WDR20: variants seen among roughly 807,000 people sequenced by gnomAD.
WDR20 encodes WD repeat domain 20.
Under a neutral mutation model 38.7 loss-of-function variants are expected in WDR20, and 3 were observed. The observed-to-expected ratio is 0.08, with a 90% confidence interval of 0.04 to 0.20. The LOEUF (loss-of-function observed/expected upper bound fraction) is 0.20. WDR20 is among the 10% of genes least tolerant of loss of function. WDR20 has a pLI of 1.00. For synonymous variants in WDR20, 298 were observed against 285.6 expected (o/e 1.04, Z -0.44); for missense variants, 559 against 727.7 (o/e 0.77, Z 2.67).
intron 2 of WDR20, among the ~76,000 whole-genome samples, chr14:102,205,378 A>G (rs1044560058): frequency 2.0e-5 from 3 of 152,236 alleles, no homozygotes; most frequent in African/African-American, 7.2e-5. Context: ...TTGTACATGC[A>G]CAAAGACACT....
intron 1 of WDR20, among the ~76,000 whole-genome samples, chr14:102,168,940 C>T (rs372025053): frequency 5.3e-5 from 8 of 152,164 alleles, no homozygotes; most frequent in African/African-American, 7.2e-5. Context: ...CCAGAGTGAT[C>T]GTTTAAACAG....
downstream of WDR20, among the ~76,000 whole-genome samples, chr14:102,217,348 G>A (rs113698259): frequency 2.0e-5 from 3 of 152,200 alleles, no homozygotes; most frequent in Non-Finnish European, 2.9e-5. Flanking sequence ...AGATCGCAGC[G>A]GAGCCCTTAG....
chr14:102,158,006 C>T (rs757493095), intron 1 of WDR20, among the ~76,000 whole-genome samples: 3 of 151,742 alleles, frequency 2.0e-5, no homozygotes, highest in Non-Finnish European at 4.4e-5. Flanking sequence ...GGTGCTATCG[C>T]TTCCCTTCCT....
At chr14:102,173,217 ATT>A (rs59206678) in intron 1 of WDR20, among the ~76,000 whole-genome samples, 12,913 of 151,036 alleles carry the variant, frequency 0.085, 1,020 homozygotes, top group African/African-American at 0.2. Context: ...GGTTCAAGTG[ATT>A]CTTCTGCCTC....
intron 1 of WDR20, among the ~76,000 whole-genome samples, chr14:102,143,957 G>A (rs962147070): frequency 2.2e-4 from 34 of 151,602 alleles, no homozygotes; most frequent in African/African-American, 5.8e-4. Flanking sequence ...TGGGAGGATC[G>A]CTTGAGCCCA....
At chr14:102,164,391 G>A (rs1217403736) in intron 1 of WDR20, among the ~76,000 whole-genome samples, 1 of 151,986 alleles carries the variant, frequency 6.6e-6, no homozygotes, top group African/African-American at 2.4e-5. Flanking sequence ...TGGCTTCCAT[G>A]TCCACCCTAC....
chr14:102,171,577 A>G (rs996588332), intron 1 of WDR20: 2 of 151,786 alleles, frequency 1.3e-5, no homozygotes, highest in African/African-American at 4.8e-5. Flanking sequence ...TCTTGTCTGG[A>G]GAGTAATTTG....
At chr14:102,215,856 C>A (rs542605511), downstream of WDR20, among the ~76,000 whole-genome samples, 7 of 152,304 alleles carry the variant, frequency 4.6e-5, no homozygotes, top group East Asian at 1.4e-3. Context: ...GAAATACCAT[C>A]CCTCACTCTT....
chr14:102,173,147 C>G (rs2061320595), intron 1 of WDR20, among the ~76,000 whole-genome samples: 1 of 151,368 alleles, frequency 6.6e-6, no homozygotes, highest in Admixed American at 6.6e-5. Context: ...CAGCCTTATT[C>G]TGTCGCGCAG....
chr14:102,143,104 G>C (rs1359760351), intron 1 of WDR20, among the ~76,000 whole-genome samples: 2 of 152,178 alleles, frequency 1.3e-5, no homozygotes, highest in Admixed American at 6.6e-5. Context: ...ACCCTCCTCA[G>C]AGCGAACCAA....
At chr14:102,205,373 C>T (rs2152997216) in intron 2 of WDR20, among the ~76,000 whole-genome samples, 1 of 152,186 alleles carries the variant, frequency 6.6e-6, no homozygotes, top group South Asian at 2.1e-4. Context: ...TTGCCTTGTA[C>T]ATGCACAAAG....
At chr14:102,191,181 G>A (rs994129373) in intron 1 of WDR20, 12 of 152,196 alleles carry the variant, frequency 7.9e-5, no homozygotes, top group African/African-American at 2.7e-4. Flanking sequence ...TTAGTGAGAG[G>A]AAACTTGCAC....
At chr14:102,176,119 A>G (rs2062004520) in intron 1 of WDR20, among the ~76,000 whole-genome samples, 1 of 152,112 alleles carries the variant, frequency 6.6e-6, no homozygotes, top group Non-Finnish European at 1.5e-5. Flanking sequence ...TCAGGGCTGG[A>G]AACGGTGGCT....
Position 102,220,096 on chromosome 14 carries a change from A to G in WDR20, c.1693-2734A>G, listed in dbSNP as rs1307124566. On this transcript the variant is annotated intron_variant, in intron 3 of 3. Transcript: ENST00000335263. The surrounding 1 kb of genome is among the most constrained non-coding windows in gnomAD (Gnocchi z 4.2). The stretch of plus-strand genomic sequence containing the variant: ...CTAGGGGTGCGGCTTTGTAGGGACC[A>G]GCTGGCGGAAGCAGCGTGTCCCTCA... 6.6e-6 allele frequency among the ~76,000 whole-genome samples: 1 copy of G among 152,228 alleles called. No individual in the cohort carries two copies. Among genetic ancestry groups the G allele is most frequent in the East Asian group, 1.9e-4 (1 of 5,184 alleles).
intron 1 of WDR20, among the ~76,000 whole-genome samples, chr14:102,168,360 G>T (rs775515919): frequency 1.6e-4 from 24 of 151,048 alleles, no homozygotes; most frequent in Non-Finnish European, 3.0e-4. Context: ...AAAACTCAAG[G>T]AAGAAAAAAA....
rs2052750209 is a variant in WDR20, at chr14:102,144,356, C to T, written c.249+4184C>T. The stretch of plus-strand genomic sequence containing the variant: ...AATTAGCTGGGCGTGGTGGTGCTTG[C>T]CTATAGTCCCAGCTACTCGGGAGGC... On this transcript the variant is annotated intron_variant, in intron 1 of 2. Coordinates refer to ENST00000342702, the MANE Select transcript of WDR20 (RefSeq NM_144574.4). 2.6e-5 allele frequency among the ~76,000 whole-genome samples: 4 copies of T among 152,128 alleles called. 1 individual carries two copies. In the South Asian group the frequency reaches 8.3e-4, roughly 32 times the overall value.
chr14:102,149,460 A>AT (rs2054940466), intron 1 of WDR20, among the ~76,000 whole-genome samples: 1 of 152,390 alleles, frequency 6.6e-6, no homozygotes, highest in African/African-American at 2.4e-5. Context: ...TAGTAGAAGA[A>AT]TATTGCATTG....
chr14:102,147,135 T>C (rs1190581), intron 1 of WDR20, among the ~76,000 whole-genome samples: 141,551 of 152,266 alleles, frequency 0.93, 65,824 homozygotes, highest in East Asian at 1. Flanking sequence ...CATGGGTGGC[T>C]TGTAATCCCA....
chr14:102,186,095 T>C (rs1218068175), intron 1 of WDR20, among the ~76,000 whole-genome samples: 1 of 152,244 alleles, frequency 6.6e-6, no homozygotes, highest in Non-Finnish European at 1.5e-5. Context: ...GACCCAAGCC[T>C]AACTGACTTC....
Sources: gnomAD v4.1 joint callset for allele counts (sites outside exome capture counted in the v4.1 genomes callset) on GRCh38, gnomAD v4.1.1 for gene constraint, Gnocchi (gnomAD v3.1) non-coding constraint, MANE v1.5 for transcripts, NCBI Gene and HGNC (gene_info 2026-07-23, HGNC 2026-07-21) for gene names.